CFAP44: variants seen among roughly 807,000 people sequenced by gnomAD.
CFAP44 encodes cilia and flagella associated protein 44, also known as cilia- and flagella-associated protein 44.
A neutral mutation model predicts 216.2 loss-of-function variants in CFAP44; 134 were observed. That is an observed-to-expected ratio of 0.62 (90% CI 0.54 to 0.72). The LOEUF (loss-of-function observed/expected upper bound fraction) is 0.72, where lower values mean the gene tolerates loss of function less well. Among genes scored for constraint, CFAP44 ranks in the 30% least tolerant of loss-of-function variants. CFAP44 has a pLI of 0.00. For synonymous variants in CFAP44, 700 were observed against 727.6 expected (o/e 0.96, Z 0.61); for missense variants, 2,035 against 2,182.1 (o/e 0.93, Z 1.34).
chr3:113,409,093 T>C lies in CFAP44; in HGVS notation c.890+13A>G, dbSNP rs1264348418. On this transcript the variant is annotated intron_variant, in intron 7 of 34. Transcript: ENST00000393845. The stretch of plus-strand genomic sequence containing the variant: ...TGATATCTACTGGCACCTCTATTGG[T>C]TACCCAACCTACTTGATGTGGCCTG... 1 of 1,609,328 alleles carries C rather than the reference T, an allele frequency of 6.2e-7. No homozygotes were observed. Among genetic ancestry groups the C allele is most frequent in the Non-Finnish European group, 8.5e-7 (1 of 1,177,548 alleles).
intron 2 of CFAP44, among the ~76,000 whole-genome samples, chr3:113,431,472 C>T (rs1305888568): frequency 6.6e-6 from 1 of 152,066 alleles, no homozygotes; most frequent in Non-Finnish European, 1.5e-5. Flanking sequence ...GAAACCAACA[C>T]ACAGACAATC....
intron 15 of CFAP44, among the ~76,000 whole-genome samples, chr3:113,395,422 G>C (rs56045452): frequency 0.024 from 3,621 of 152,236 alleles, 68 homozygotes; most frequent in African/African-American, 0.046. Context: ...ACTGATCCAG[G>C]TGAAAGCATT....
At chr3:113,360,103 G>C (rs1950524011) in intron 21 of CFAP44, among the ~76,000 whole-genome samples, 1 of 151,842 alleles carries the variant, frequency 6.6e-6, no homozygotes, top group Non-Finnish European at 1.5e-5. Context: ...AGTGTGGTAG[G>C]TAAATCCAAT....
chr3:113,370,110 T>C (rs1933101081), intron 18 of CFAP44, among the ~76,000 whole-genome samples: 2 of 151,848 alleles, frequency 1.3e-5, no homozygotes, highest in African/African-American at 4.8e-5. Flanking sequence ...CCAAAAAAAG[T>C]CCAGAACCAG....
intron 5 of CFAP44, among the ~76,000 whole-genome samples, chr3:113,418,696 T>C (rs1934721427): frequency 6.6e-6 from 1 of 151,358 alleles, no homozygotes; most frequent in South Asian, 2.1e-4. Context: ...TTAGCTTTTG[T>C]TTTTTTTGTT....
At position 113,332,741 on chromosome 3, in the gene CFAP44, G is replaced by T. The variant is rs11928583; in HGVS notation, c.3615+665C>A. Among the ~76,000 whole-genome samples the T allele has an allele frequency of 1.9e-3, 291 of 152,224 alleles. 2 individuals are homozygous for T. Among genetic ancestry groups the T allele is most frequent in the African/African-American group, 5.7e-3 (238 of 41,554 alleles). The stretch of plus-strand genomic sequence containing the variant: ...GTGGTTTGGAAGAATGCAGAGAAAA[G>T]AACAAAGAAATATATTAGTTTGTGA... On this transcript the variant is annotated intron_variant, in intron 25 of 34. Coordinates refer to ENST00000393845, the MANE Select transcript of CFAP44 (RefSeq NM_001164496.2).
chr3:113,441,094 A>G (rs963734008), intron 1 of CFAP44, among the ~76,000 whole-genome samples: 2 of 152,212 alleles, frequency 1.3e-5, no homozygotes, highest in Non-Finnish European at 2.9e-5. Flanking sequence ...CAGCGTGCCA[A>G]GCGTCGCACC....
At chr3:113,314,406 T>A (rs1383725453) in intron 28 of CFAP44, among the ~76,000 whole-genome samples, 4 of 152,160 alleles carry the variant, frequency 2.6e-5, no homozygotes, top group Non-Finnish European at 4.4e-5. Context: ...AAAAGTAGTG[T>A]CAACCTAGGA....
rs558686449 is a variant in CFAP44 at position 113,333,098 on chromosome 3, T to A, written c.3615+308A>T. ...AAACTCCGACCTAGATTACCAGATA[T>A]CCTTGATGACCCTGCCATACCTGTC... On this transcript the variant is annotated intron_variant, in intron 25 of 34. Transcript: ENST00000393845. Among the ~76,000 whole-genome samples the A allele has an allele frequency of 2.0e-4, 30 of 152,240 alleles. No homozygotes were observed. The South Asian group carries it at 6.2e-3, about 32-fold the overall frequency.
In CFAP44 at chr3:113,341,863, C is replaced by A; in HGVS notation, c.3318G>T (p.Arg1106=). ...ESIIEKGKKF[R]PKTLSEIIVE... ...CGATGATTTCACTTAGGGTTTTAGGCCGAAATTTCTTCCCTTTTTCTATTA... is the reference window on the plus strand; with the variant it reads ...CGATGATTTCACTTAGGGTTTTAGGACGAAATTTCTTCCCTTTTTCTATTA... Residue 1106 remains arginine, a synonymous_variant, in exon 24 of 35, where the codon CGG becomes CGT. Coordinates refer to ENST00000393845, the MANE Select transcript of CFAP44 (RefSeq NM_001164496.2). 6.5e-7 allele frequency: 1 copy of A among 1,531,940 alleles called. No homozygotes were observed. The highest frequency in any genetic ancestry group is 8.7e-7 in the Non-Finnish European group (1 of 1,145,752). 94.9% of individuals were successfully genotyped at this position (1,531,940 alleles called of 1,614,324 possible). A position where few individuals can be genotyped will look rare whatever the true frequency, so the allele number is the denominator to read the frequency against.
intron 4 of CFAP44, among the ~76,000 whole-genome samples, 186 bp from the exon 5 acceptor site, chr3:113,420,365 G>GA (rs1156335732): frequency 1.3e-5 from 2 of 151,244 alleles, no homozygotes; most frequent in Non-Finnish European, 2.9e-5. Context: ...AATTAGGTGA[G>GA]AAAAAAAAGG....
intron 7 of CFAP44, 77 bp from the exon 8 acceptor site, chr3:113,407,118 C>T: frequency 1.9e-6 from 2 of 1,074,930 alleles, no homozygotes; most frequent in Non-Finnish European, 1.4e-6. Flanking sequence ...CAAACATTTA[C>T]ATATTTCATA....
chr3:113,294,582 T>C, intron 34 of CFAP44, 105 bp downstream of exon 34: 1 of 1,397,726 alleles, frequency 7.2e-7, no homozygotes. Flanking sequence ...TGGTCCAAGA[T>C]CAAGCAAGGT....
intron 32 of CFAP44, among the ~76,000 whole-genome samples, chr3:113,301,990 T>C (rs1949939848): frequency 7.2e-6 from 1 of 139,056 alleles, no homozygotes; most frequent in South Asian, 2.6e-4. Flanking sequence ...TGAGTTTAAC[T>C]TTTTTATACT....
At chr3:113,310,136 T>C (rs905204951) in intron 28 of CFAP44, among the ~76,000 whole-genome samples, 5 of 152,148 alleles carry the variant, frequency 3.3e-5, no homozygotes, top group African/African-American at 1.2e-4. Context: ...CCAGTACATT[T>C]ATTCATGCTG....
rs1247072754 is a variant in CFAP44 at position 113,304,039 on chromosome 3, G to A, written c.4954C>T (p.Leu1652=). The A allele has an allele frequency of 6.5e-7, 1 of 1,537,310 alleles. No individual in the cohort carries two copies. The highest frequency in any genetic ancestry group is 2.4e-5 in the East Asian group (1 of 40,914). ...TGGAGCTCATGGATTCGTTCTTGCA[G>A]CCGTCTCAAGGCATGGTTAGAGAAG... ...LVFSNHALRR[L]QERIHELQEE... The change falls in exon 32 of 35, where the codon CTG becomes TTG. Residue 1652 remains leucine (L), a synonymous_variant. Transcript: ENST00000393845.
intron 34 of CFAP44, 71 bp from the exon 35 acceptor site, chr3:113,291,819 G>T: frequency 6.7e-7 from 1 of 1,486,596 alleles, no homozygotes; most frequent in Non-Finnish European, 9.0e-7. Flanking sequence ...CTTATACTGT[G>T]TATCTGTGAT....
At chr3:113,375,463 ATCT>A (rs1036807340) in intron 17 of CFAP44, among the ~76,000 whole-genome samples, 3 of 152,184 alleles carry the variant, frequency 2.0e-5, no homozygotes, top group African/African-American at 7.2e-5. Flanking sequence ...AGGATGGAAA[ATCT>A]TCTTGAATGA....
intron 18 of CFAP44, among the ~76,000 whole-genome samples, chr3:113,369,813 G>T (rs1387986402): frequency 6.6e-6 from 1 of 151,454 alleles, no homozygotes; most frequent in Non-Finnish European, 1.5e-5. Context: ...ACAATCAAGA[G>T]AATTGATAGA....
Sources: gnomAD v4.1 joint callset for allele counts (sites outside exome capture counted in the v4.1 genomes callset) on GRCh38, gnomAD v4.1.1 for gene constraint, MANE v1.5 for transcripts, NCBI Gene and HGNC (gene_info 2026-07-23, HGNC 2026-07-21) for gene names.